The following PIK3CB variants were observed in gnomAD, a reference collection of about 807,000 sequenced individuals.
PIK3CB encodes the protein phosphatidylinositol-4,5-bisphosphate 3-kinase catalytic subunit beta.
Under a neutral mutation model 136.8 loss-of-function variants are expected in PIK3CB, and 39 were observed. The ratio of observed to expected loss-of-function variants is 0.29; its 90% CI spans 0.22 to 0.37. The LOEUF is 0.37. PIK3CB is among the 10% of genes least tolerant of loss of function. The pLI, the probability that PIK3CB is intolerant of heterozygous loss-of-function variation, is 1.00. For synonymous variants in PIK3CB, 428 were observed against 436.6 expected (o/e 0.98, Z 0.25); for missense variants, 868 against 1,275.4 (o/e 0.68, Z 4.87).
intron 2 of PIK3CB, among the ~76,000 whole-genome samples, chr3:138,786,935 T>C (rs2045987330): frequency 6.6e-6 from 1 of 152,232 alleles, no homozygotes; most frequent in African/African-American, 2.4e-5. Flanking sequence ...ACAATATCCT[T>C]ACTGTCTATG....
intron 1 of PIK3CB, among the ~76,000 whole-genome samples, chr3:138,829,644 G>A (rs916409515): frequency 6.6e-6 from 1 of 152,056 alleles, no homozygotes; most frequent in Non-Finnish European, 1.5e-5. Context: ...AGGGTTAGCC[G>A]GGCGTGGTGG....
At chr3:138,773,855 C>G (rs2045827695) in intron 2 of PIK3CB, among the ~76,000 whole-genome samples, 1 of 152,164 alleles carries the variant, frequency 6.6e-6, no homozygotes, top group Non-Finnish European at 1.5e-5. Flanking sequence ...TGCTGAAACC[C>G]ATTCAAGTGA....
Position 138,815,368 on chromosome 3 carries a change from A to AAAAAAAAAAAC in PIK3CB, c.-121-18802_-121-18801insGTTTTTTTTTT, listed in dbSNP as rs1553743726. On this transcript the variant is annotated intron_variant, in intron 1 of 23. Coordinates refer to ENST00000674063, the MANE Select transcript of PIK3CB (RefSeq NM_006219.3). The stretch of plus-strand genomic sequence containing the variant: ...CCACATCCTGTCTCAAAAAAAAAAA[A>AAAAAAAAAAAC]AAAAAAACTAGTCAAAACCATAACA... 4.2e-4 allele frequency among the ~76,000 whole-genome samples: 45 copies of AAAAAAAAAAAC among 105,946 alleles called. 4 individuals carry two copies. The highest frequency in any genetic ancestry group is 6.4e-4 in the Non-Finnish European group (33 of 51,376). 69.5% of individuals were successfully genotyped at this position (105,946 alleles called of 152,430 possible). A position where few individuals can be genotyped will look rare whatever the true frequency, so the allele number is the denominator to read the frequency against.
At chr3:138,788,847 C>T (rs1384442780) in intron 2 of PIK3CB, among the ~76,000 whole-genome samples, 2 of 150,884 alleles carry the variant, frequency 1.3e-5, no homozygotes, top group Non-Finnish European at 2.9e-5. Context: ...ACCTGTAATC[C>T]CAGCTACTAG....
At chr3:138,731,972 G>T (rs980391838) in intron 8 of PIK3CB, among the ~76,000 whole-genome samples, 3 of 150,062 alleles carry the variant, frequency 2.0e-5, no homozygotes, top group Non-Finnish European at 4.4e-5. Context: ...AACAGAGTGA[G>T]ACTCCATCTC....
intron 5 of PIK3CB, among the ~76,000 whole-genome samples, chr3:138,741,191 T>C (rs1416465723): frequency 6.6e-6 from 1 of 152,234 alleles, no homozygotes; most frequent in Non-Finnish European, 1.5e-5. Context: ...ACATCTGTCC[T>C]AACAAATACT....
chr3:138,712,353 G>C (rs769759987), intron 9 of PIK3CB, 49 bp from the exon 10 acceptor site: 1 of 783,950 alleles, frequency 1.3e-6, no homozygotes, highest in Non-Finnish European at 2.0e-6. Context: ...TAACTTTAAG[G>C]TGTAAACATG....
At chr3:138,819,967 C>G (rs1407008185) in intron 1 of PIK3CB, among the ~76,000 whole-genome samples, 2 of 152,190 alleles carry the variant, frequency 1.3e-5, no homozygotes, top group African/African-American at 4.8e-5. Context: ...GAGCGAGACT[C>G]TGTCTCGATC....
intron 19 of PIK3CB, among the ~76,000 whole-genome samples, chr3:138,672,834 C>T (rs1458291482): frequency 3.3e-5 from 5 of 149,746 alleles, no homozygotes; most frequent in African/African-American, 1.2e-4. Flanking sequence ...ATCGCTTGAA[C>T]CTGGGAGGTG....
intron 1 of PIK3CB, among the ~76,000 whole-genome samples, chr3:138,822,514 C>A (rs560868421): frequency 6.6e-6 from 1 of 151,268 alleles, no homozygotes; most frequent in East Asian, 2.0e-4. Context: ...CCAGCCTGGG[C>A]GACACAGTGA....
At chr3:138,823,943 T>C (rs879276492) in intron 1 of PIK3CB, among the ~76,000 whole-genome samples, 4 of 152,164 alleles carry the variant, frequency 2.6e-5, no homozygotes, top group African/African-American at 4.8e-5. Context: ...ATTCAGGTCT[T>C]CATGGTCTAG....
chr3:138,686,688 A>T (rs2043900878), intron 16 of PIK3CB, among the ~76,000 whole-genome samples: 1 of 152,336 alleles, frequency 6.6e-6, no homozygotes. Context: ...TGTGGCTTGA[A>T]ATTCCATGAA....
At chr3:138,689,439 A>G (rs975499178) in intron 15 of PIK3CB, among the ~76,000 whole-genome samples, 1 of 152,156 alleles carries the variant, frequency 6.6e-6, no homozygotes, top group Non-Finnish European at 1.5e-5. Flanking sequence ...GATTATAGGC[A>G]TGCGCCACCA....
In PIK3CB at chr3:138,795,840, T is replaced by C. The variant is rs569897852; in HGVS notation, c.-17+623A>G. Among the ~76,000 whole-genome samples the C allele has an allele frequency of 2.6e-3, 402 of 152,258 alleles. 2 individuals are homozygous for C. The highest frequency in any genetic ancestry group is 9.3e-3 in the African/African-American group (386 of 41,546). ...TCCACTGCAACCTGATTTTCAGCCATAAACAGTCTCCTAAAATGGCCCCTG... is the reference window on the plus strand; with the variant it reads ...TCCACTGCAACCTGATTTTCAGCCACAAACAGTCTCCTAAAATGGCCCCTG... On this transcript the variant is annotated intron_variant, in intron 2 of 23. Transcript: ENST00000674063.
At chr3:138,804,534 T>C (rs987750611) in intron 1 of PIK3CB, among the ~76,000 whole-genome samples, 3 of 152,122 alleles carry the variant, frequency 2.0e-5, no homozygotes, top group Non-Finnish European at 4.4e-5. Flanking sequence ...AGCAAAAAGC[T>C]TGGAAACTAT....
Position 138,787,321 on chromosome 3 carries a change from G to T in PIK3CB, c.-17+9142C>A, listed in dbSNP as rs563496331. 2.1e-5 allele frequency among the ~76,000 whole-genome samples: 3 copies of T among 145,836 alleles called. No individual in the cohort carries two copies. The South Asian group carries it at 6.5e-4, about 31-fold the overall frequency. On this transcript the variant is annotated intron_variant, in intron 2 of 23. Transcript: ENST00000674063. ...GCAGATGCTCCAGTGAGCCGAGATC[G>T]CACCACCGCACTCCAGCCTGGGCGA...
intron 2 of PIK3CB, among the ~76,000 whole-genome samples, chr3:138,789,155 G>A (rs1191841425): frequency 6.6e-6 from 1 of 151,980 alleles, no homozygotes; most frequent in African/African-American, 2.4e-5. Context: ...ATGGCAGGGC[G>A]TGATGGCTCA....
At chr3:138,706,813 T>C (rs534356083) in intron 11 of PIK3CB, among the ~76,000 whole-genome samples, 1 of 152,174 alleles carries the variant, frequency 6.6e-6, no homozygotes, top group Admixed American at 6.5e-5. Context: ...TGTGCCACCA[T>C]GTCCAGCTAA....
At chr3:138,811,529 G>A (rs1275850865) in intron 1 of PIK3CB, among the ~76,000 whole-genome samples, 1 of 151,136 alleles carries the variant, frequency 6.6e-6, no homozygotes, top group Admixed American at 6.6e-5. Context: ...AGGTTCAAGC[G>A]ATTCTCCTGC....
Sources: allele counts gnomAD v4.1 joint callset (sites outside exome capture counted in the v4.1 genomes callset), GRCh38; gene constraint gnomAD v4.1.1; transcripts MANE v1.5; gene names NCBI Gene and HGNC (gene_info 2026-07-23, HGNC 2026-07-21).